Variants in INSIG2 observed in about 807,000 individuals in gnomAD.
The protein encoded by INSIG2 is insulin induced gene 2.
Under a neutral mutation model 27.2 loss-of-function variants are expected in INSIG2, and 10 were observed. The ratio of observed to expected loss-of-function variants is 0.37; its 90% CI spans 0.23 to 0.62. The LOEUF (loss-of-function observed/expected upper bound fraction) is 0.62, where lower values mean the gene tolerates loss of function less well. Ranked by LOEUF, INSIG2 falls within the 20% of genes least tolerant of loss-of-function variation. The probability of loss-of-function intolerance (pLI) is 0.65; values close to 1 mark genes in which losing one functional copy is unlikely to be tolerated. For synonymous variants in INSIG2, 97 were observed against 95.8 expected (o/e 1.01, Z -0.07); for missense variants, 178 against 270.2 (o/e 0.66, Z 2.39).
At chr2:118,102,303 G>C (rs529014056) in intron 2 of INSIG2, among the ~76,000 whole-genome samples, 5 of 152,160 alleles carry the variant, frequency 3.3e-5, no homozygotes, top group Non-Finnish European at 7.4e-5. Context: ...TGAATAAAAT[G>C]TTGAGGTTTG....
rs1022741949 is a variant in INSIG2 at position 118,108,437 on chromosome 2, T to A, written c.*115T>A. The A allele has an allele frequency of 1.1e-5, 8 of 720,500 alleles. No homozygotes were observed. In the African/African-American group the frequency reaches 1.3e-4, roughly 11 times the overall value. The allele number at this position is 720,500 out of a possible 1,614,324, so 44.6% of individuals were successfully genotyped here. A position where few individuals can be genotyped will look rare whatever the true frequency, so the allele number is the denominator to read the frequency against. ...TGCCAGGATGCAGTTTTCCCCTTGA[T>A]TGGCGTGTGTGTATATATGGATAAA... is the stretch of plus-strand genomic sequence containing the variant. On this transcript the variant is annotated 3_prime_UTR_variant, in exon 6 of 6. Coordinates refer to ENST00000245787, the MANE Select transcript of INSIG2 (RefSeq NM_016133.4).
chr2:118,103,439 A>C (rs1678599227), intron 3 of INSIG2, 118 bp downstream of exon 3: 1 of 808,526 alleles, frequency 1.2e-6, no homozygotes, highest in Non-Finnish European at 1.9e-6. Context: ...CTTAGTCAGA[A>C]GAAGAATGTC....
Position 118,096,827 on chromosome 2 carries a change from T to C in INSIG2, c.244+27T>C, listed in dbSNP as rs752434241. 3.7e-6 allele frequency: 6 copies of C among 1,604,770 alleles called. No homozygotes were observed. The Admixed American group carries it at 6.7e-5, about 18-fold the overall frequency. On this transcript the variant is annotated intron_variant, in intron 2 of 5. Coordinates refer to ENST00000245787, the MANE Select transcript of INSIG2 (RefSeq NM_016133.4). ...TATGTGTAGGATGTTTCTGTAATGCTTAGAAAGGAAATAGGGTAAATGAGT... is the reference window on the plus strand; with the variant it reads ...TATGTGTAGGATGTTTCTGTAATGCCTAGAAAGGAAATAGGGTAAATGAGT...
chr2:118,107,245 T>C (rs1678696454), intron 5 of INSIG2, 56 bp downstream of exon 5: 1 of 1,237,460 alleles, frequency 8.1e-7, no homozygotes, highest in Non-Finnish European at 1.2e-6. Context: ...AAGTTTTCTC[T>C]AAAAGGCAGT....
chr2:118,110,728 G>C lies in INSIG2; in HGVS notation c.*2406G>C, dbSNP rs191014337. ...TGGGAAACATTTTTTAACATTGCTA[G>C]ATTGGCAGTGCTTTCTTTTATTATT... On this transcript the variant is annotated 3_prime_UTR_variant, in exon 6 of 6. Coordinates refer to ENST00000245787, the MANE Select transcript of INSIG2 (RefSeq NM_016133.4). The C allele has an allele frequency of 1.3e-5, 2 of 152,278 alleles. No individual in the cohort carries two copies. Among genetic ancestry groups the C allele is most frequent in the African/African-American group, 2.4e-5 (1 of 41,548 alleles). 9.4% of individuals were successfully genotyped at this position (152,278 alleles called of 1,614,324 possible).
Position 118,108,743 on chromosome 2 carries a change from A to G in INSIG2, c.*421A>G, listed in dbSNP as rs1416320405. The G allele has an allele frequency of 1.3e-5, 2 of 153,706 alleles. No homozygotes were observed. The highest frequency in any genetic ancestry group is 2.9e-5 in the Non-Finnish European group (2 of 68,886). 9.5% of individuals were successfully genotyped at this position (153,706 alleles called of 1,614,324 possible). A position where few individuals can be genotyped will look rare whatever the true frequency, so the allele number is the denominator to read the frequency against. ...AAATAAAATAAGAGGAAAGCCAAAA[A>G]CAAACAAACAAAAAGCATATGGGGA... On this transcript the variant is annotated 3_prime_UTR_variant, in exon 6 of 6. Transcript: ENST00000245787.
Position 118,096,752 on chromosome 2 carries a change from A to G in INSIG2, c.196A>G (p.Ile66Val), listed in dbSNP as rs761312280. The G allele has an allele frequency of 1.9e-6, 3 of 1,614,002 alleles. No homozygotes were observed. Among genetic ancestry groups the G allele is most frequent in the East Asian group, 2.2e-5 (1 of 44,884 alleles). Reference protein sequence around the residue: ...TLFPPDVIASIFSSAWWVPPC... With the variant: ...TLFPPDVIASVFSSAWWVPPC... Reference sequence around the variant, plus strand: ...CTTTCCACCTGATGTGATTGCAAGCATCTTTTCTTCTGCATGGTGGGTACC... The same window carrying G: ...CTTTCCACCTGATGTGATTGCAAGCGTCTTTTCTTCTGCATGGTGGGTACC... The change falls in exon 2 of 6, where the codon ATC (isoleucine) becomes GTC (valine). Residue 66 changes from isoleucine to valine, a missense_variant. Transcript: ENST00000245787.
At chr2:118,106,292 C>T (rs1289134126) in intron 3 of INSIG2, among the ~76,000 whole-genome samples, 1 of 152,144 alleles carries the variant, frequency 6.6e-6, no homozygotes, top group Non-Finnish European at 1.5e-5. Flanking sequence ...TTTTCAAGTT[C>T]CTGTACGATT....
At chr2:118,103,074 T>C in intron 2 of INSIG2, 123 bp from the exon 3 acceptor site, 6 of 931,708 alleles carry the variant, frequency 6.4e-6, no homozygotes, top group Non-Finnish European at 9.3e-6. Flanking sequence ...AATAACTTTT[T>C]TTTTTGTTTT....
rs70949913 is a variant in INSIG2, at chr2:118,100,373, C to CTTTTTTTT, written c.245-2808_245-2801dup. ...TTGGAATCGTATCTTACTCTTTTGC[C>CTTTTTTTT]TTTTTTTTTTTTTTTTTTTTTTTGA... On this transcript the variant is annotated intron_variant, in intron 2 of 5. Coordinates refer to ENST00000245787, the MANE Select transcript of INSIG2 (RefSeq NM_016133.4). Among the ~76,000 whole-genome samples, 17 of 81,496 alleles carry CTTTTTTTT rather than the reference C, an allele frequency of 2.1e-4. 3 individuals carry two copies. Among genetic ancestry groups the CTTTTTTTT allele is most frequent in the South Asian group, 5.5e-4 (1 of 1,820 alleles). The allele number at this position is 81,496 out of a possible 152,430, so 53.5% of individuals were successfully genotyped here.
chr2:118,101,169 A>G (rs564767919), intron 2 of INSIG2, among the ~76,000 whole-genome samples: 7 of 152,314 alleles, frequency 4.6e-5, no homozygotes, highest in South Asian at 2.1e-4. Context: ...ACAGTGTTGT[A>G]TATATTGCTA....
Position 118,094,641 on chromosome 2 carries a change from A to G in INSIG2, c.-138-1778A>G, listed in dbSNP as rs545791038. ...TAGGTCAGTGAGGACTAGCTTGGGA[A>G]CAGAATTTCCTCTTGAATGTTGAAC... On this transcript the variant is annotated intron_variant, in intron 1 of 5. Transcript: ENST00000245787. Among the ~76,000 whole-genome samples, 6 of 152,324 alleles carry G rather than the reference A, an allele frequency of 3.9e-5. No homozygotes were observed. The East Asian group carries it at 7.7e-4, about 20-fold the overall frequency.
chr2:118,106,919 T>G lies in INSIG2; in HGVS notation c.536+16T>G, dbSNP rs1038081207. 5 of 1,610,712 alleles carry G rather than the reference T, an allele frequency of 3.1e-6. No individual in the cohort carries two copies. Among genetic ancestry groups the G allele is most frequent in the Non-Finnish European group, 4.2e-6 (5 of 1,177,932 alleles). ...GTGTTTACCAGTAAGTATTAATCCT[T>G]CAATTTTTGGTGCTTGTTTGCTAGA... On this transcript the variant is annotated intron_variant, in intron 4 of 5. Transcript: ENST00000245787.
chr2:118,094,101 TGATGAG>T (rs1207160390), intron 1 of INSIG2, among the ~76,000 whole-genome samples: 600 of 44,998 alleles, frequency 0.013, no homozygotes, highest in Non-Finnish European at 0.019. Context: ...ATGATGATGA[TGATGAG>T]GAGGAGGAGG....
At chr2:118,100,907 G>A (rs1205772176) in intron 2 of INSIG2, among the ~76,000 whole-genome samples, 1 of 152,084 alleles carries the variant, frequency 6.6e-6, no homozygotes, top group African/African-American at 2.4e-5. Flanking sequence ...ACTTACTACT[G>A]ATATTTTACA....
intron 1 of INSIG2, among the ~76,000 whole-genome samples, chr2:118,092,712 G>A (rs1441665687): frequency 2.0e-5 from 3 of 152,150 alleles, no homozygotes; most frequent in Non-Finnish European, 4.4e-5. Flanking sequence ...GGATGATAAT[G>A]TCTACCTTTA....
At chr2:118,091,524 C>G (rs187823995) in intron 1 of INSIG2, among the ~76,000 whole-genome samples, 2 of 152,040 alleles carry the variant, frequency 1.3e-5, no homozygotes, top group Admixed American at 1.3e-4. Flanking sequence ...GAACTTTCAT[C>G]CCAGAAAAAA....
intron 2 of INSIG2, among the ~76,000 whole-genome samples, chr2:118,098,385 C>T (rs1247648151): frequency 6.6e-6 from 1 of 152,066 alleles, no homozygotes; most frequent in East Asian, 1.9e-4. Flanking sequence ...TGGCATTGTG[C>T]CTGTTATGGG....
At chr2:118,106,629 A>G in intron 3 of INSIG2, 108 bp from the exon 4 acceptor site, 1 of 807,826 alleles carries the variant, frequency 1.2e-6, no homozygotes, top group Non-Finnish European at 2.0e-6. Flanking sequence ...GTACTTGAGT[A>G]GAAGCAATTA....
Sources: allele counts gnomAD v4.1 joint callset (sites outside exome capture counted in the v4.1 genomes callset), GRCh38; gene constraint gnomAD v4.1.1; transcripts MANE v1.5; gene names NCBI Gene and HGNC (gene_info 2026-07-23, HGNC 2026-07-21).